The following DNAI1 variants were observed in gnomAD, a reference collection of about 807,000 sequenced individuals.
DNAI1 encodes the protein dynein axonemal intermediate chain 1, also known as dynein, axonemal, intermediate polypeptide 1.
In DNAI1, 67 loss-of-function variants were observed where a neutral mutation model predicts 92.0. The ratio of observed to expected loss-of-function variants is 0.73; its 90% CI spans 0.60 to 0.89. The LOEUF (loss-of-function observed/expected upper bound fraction) is 0.89. Ranked by LOEUF, DNAI1 falls within the 40% of genes least tolerant of loss-of-function variation. DNAI1 has a pLI of 0.00. For missense variants in DNAI1, 839 were observed against 866.6 expected, an observed-to-expected ratio of 0.97 and a Z score of 0.40; for synonymous variants, 323 against 319.6, an observed-to-expected ratio of 1.01 and a Z score of -0.11.
chr9:34,477,924 CTTTTTTTT>C (rs74180566), intron 1 of DNAI1, among the ~76,000 whole-genome samples: 1 of 49,008 alleles, frequency 2.0e-5, no homozygotes, highest in Non-Finnish European at 4.0e-5. Flanking sequence ...CTCTCTCTCT[CTTTTTTTT>C]TTTTTTTTTT....
intron 1 of DNAI1, among the ~76,000 whole-genome samples, chr9:34,480,313 G>A (rs1189606908): frequency 7.7e-6 from 1 of 129,390 alleles, no homozygotes; most frequent in African/African-American, 3.0e-5. Context: ...GAGTCTCGCT[G>A]TGTCACCCAG....
At chr9:34,480,272 CTTTTTT>C (rs202115133) in intron 1 of DNAI1, among the ~76,000 whole-genome samples, 2 of 99,440 alleles carry the variant, frequency 2.0e-5, no homozygotes, top group Non-Finnish European at 4.0e-5. Flanking sequence ...TTTGGTGGAA[CTTTTTT>C]TTTTTTTTTT....
At chr9:34,492,296 G>A (rs1824618002) in intron 8 of DNAI1, among the ~76,000 whole-genome samples, 1 of 151,588 alleles carries the variant, frequency 6.6e-6, no homozygotes, top group Non-Finnish European at 1.5e-5. Flanking sequence ...TGTGATGAGG[G>A]GCATTTGCCC....
chr9:34,503,665 C>T (rs1394762837), intron 12 of DNAI1, among the ~76,000 whole-genome samples: 1 of 152,106 alleles, frequency 6.6e-6, no homozygotes, highest in Non-Finnish European at 1.5e-5. Flanking sequence ...TTGGAGCCAG[C>T]CAGGAACAAG....
chr9:34,514,436 G>A lies in DNAI1; in HGVS notation c.1612G>A (p.Ala538Thr), dbSNP rs368248592. 147 of 1,613,946 alleles carry A rather than the reference G, an allele frequency of 9.1e-5. No individual in the cohort carries two copies. Among genetic ancestry groups the A allele is most frequent in the Non-Finnish European group, 1.1e-4 (133 of 1,180,030 alleles). ...CAGCCAATTCCTCGACACCTATGAC[G>A]CCCACAACATGTCAGTGGACACTGT... The part of the protein sequence containing the change: ...YSSQFLDTYD[A>T]HNMSVDTVSW... Residue 538 changes from alanine to threonine, a missense_variant, in exon 17 of 20, where the codon GCC becomes ACC. Physicochemically the swap from Ala to Thr is moderately conservative, Grantham distance 58. Transcript: ENST00000242317.
chr9:34,481,102 G>A (rs998866158), intron 1 of DNAI1, among the ~76,000 whole-genome samples: 1 of 152,186 alleles, frequency 6.6e-6, no homozygotes, highest in Middle Eastern at 3.2e-3. Context: ...TTAGCCGGGC[G>A]TGGTGGCAGA....
chr9:34,513,675 A>G (rs1051085552), intron 16 of DNAI1, among the ~76,000 whole-genome samples: 1 of 152,184 alleles, frequency 6.6e-6, no homozygotes, highest in African/African-American at 2.4e-5. Flanking sequence ...GCTCTGCTGC[A>G]AGCTTTTCTT....
At chr9:34,476,482 G>A (rs942323664) in intron 1 of DNAI1, among the ~76,000 whole-genome samples, 3 of 152,204 alleles carry the variant, frequency 2.0e-5, no homozygotes, top group Non-Finnish European at 4.4e-5. Context: ...ACAGTCCTTA[G>A]GGCTGGGCCA....
At chr9:34,492,812 T>G (rs947473624) in intron 8 of DNAI1, among the ~76,000 whole-genome samples, 2 of 151,642 alleles carry the variant, frequency 1.3e-5, no homozygotes, top group Admixed American at 6.6e-5. Flanking sequence ...TAAGCCACTG[T>G]GCCTGGCCTA....
At chr9:34,477,062 T>C (rs1024651878) in intron 1 of DNAI1, among the ~76,000 whole-genome samples, 1 of 152,096 alleles carries the variant, frequency 6.6e-6, no homozygotes, top group African/African-American at 2.4e-5. Context: ...TTTGCCCAGA[T>C]TGGAGTGTAG....
chr9:34,458,924 A>G lies in DNAI1; in HGVS notation c.-82A>G, dbSNP rs1823879223. 1 of 1,289,802 alleles carries G rather than the reference A, an allele frequency of 7.8e-7. No individual in the cohort carries two copies. The highest frequency in any genetic ancestry group is 2.3e-5 in the East Asian group (1 of 43,352). 79.9% of individuals were successfully genotyped at this position (1,289,802 alleles called of 1,614,324 possible). ...GTAACTGAAGTGGAAGAGAGTCCAGATTTCTTGTGTGTGGTCAAGGAGACG... is the reference window on the plus strand; with the variant it reads ...GTAACTGAAGTGGAAGAGAGTCCAGGTTTCTTGTGTGTGGTCAAGGAGACG... On this transcript the variant is annotated 5_prime_UTR_variant, in exon 1 of 20. Coordinates refer to ENST00000242317, the MANE Select transcript of DNAI1 (RefSeq NM_012144.4). The surrounding 1 kb of genome is among the most constrained non-coding windows in gnomAD (Gnocchi z 6.6).
chr9:34,495,126 C>G (rs529702894), intron 9 of DNAI1, among the ~76,000 whole-genome samples: 123 of 152,214 alleles, frequency 8.1e-4, no homozygotes, highest in Non-Finnish European at 1.3e-3. Flanking sequence ...GCACAGAAAT[C>G]AATGCACATT....
At chr9:34,517,255 C>G (rs972846178) in intron 18 of DNAI1, 30 bp from the exon 19 acceptor site, 1 of 1,609,236 alleles carries the variant, frequency 6.2e-7, no homozygotes, top group Admixed American at 1.7e-5. Context: ...CTCATTACCC[C>G]TGAGTGTGCT....
Position 34,464,295 on chromosome 9 carries a change from G to A in DNAI1, c.48+5242G>A, listed in dbSNP as rs1031525087. Among the ~76,000 whole-genome samples the A allele has an allele frequency of 5.3e-5, 8 of 152,114 alleles. 1 individual carries two copies. The highest frequency in any genetic ancestry group is 4.6e-4 in the Admixed American group (7 of 15,264). On this transcript the variant is annotated intron_variant, in intron 1 of 19. Coordinates refer to ENST00000242317, the MANE Select transcript of DNAI1 (RefSeq NM_012144.4). ...CAGAACACTTCAGTGACTTCCCATT[G>A]CTCTTAGGATAGGGACCAGATTTTT...
chr9:34,514,674 G>A lies in DNAI1; in HGVS notation c.1753G>A (p.Val585Met), dbSNP rs765035797. 7.4e-6 allele frequency: 12 copies of A among 1,614,062 alleles called. No individual in the cohort carries two copies. Among genetic ancestry groups the A allele is most frequent in the East Asian group, 2.2e-5 (1 of 44,900 alleles). ...PMFIYDLNSA[V>M]GDVAWAPYSS... Reference sequence around the variant, plus strand: ...GTTCATCTATGACCTGAACTCAGCCGTGGGTGATGTGGCCTGGGCGCCATA... The same window carrying A: ...GTTCATCTATGACCTGAACTCAGCCATGGGTGATGTGGCCTGGGCGCCATA... The change falls in exon 18 of 20, where the codon GTG becomes ATG. Residue 585 changes from valine (V) to methionine (M), a missense_variant. Physicochemically the swap from Val to Met is conservative, Grantham distance 21 (BLOSUM62 1). Coordinates refer to ENST00000242317, the MANE Select transcript of DNAI1 (RefSeq NM_012144.4).
intron 1 of DNAI1, among the ~76,000 whole-genome samples, chr9:34,465,668 G>T (rs1195635182): frequency 6.6e-6 from 1 of 152,188 alleles, no homozygotes; most frequent in Non-Finnish European, 1.5e-5. Context: ...CTCAGTACAT[G>T]CCAGGTACTC....
Position 34,514,627 on chromosome 9 carries a change from T to C in DNAI1, c.1719-13T>C. 1 of 1,614,176 alleles carries C rather than the reference T, an allele frequency of 6.2e-7. No homozygotes were observed. On this transcript the variant is annotated splice_polypyrimidine_tract_variant and intron_variant, in intron 17 of 19. Transcript: ENST00000242317. Reference sequence around the variant, plus strand: ...CCTCTGTGCCATGGGCTTTCCACCCTCCACCTCTGCAGGACCCCGATGTTC... The same window carrying C: ...CCTCTGTGCCATGGGCTTTCCACCCCCCACCTCTGCAGGACCCCGATGTTC...
intron 8 of DNAI1, among the ~76,000 whole-genome samples, chr9:34,492,493 GATATATATATATATATATAT>G (rs752863173): frequency 0.013 from 900 of 68,262 alleles, 45 homozygotes; most frequent in African/African-American, 0.04. Context: ...GGGATATGAA[GATATATATATATATATATAT>G]ATATATATAT....
chr9:34,466,278 C>A (rs1240943229), intron 1 of DNAI1, among the ~76,000 whole-genome samples: 1 of 152,154 alleles, frequency 6.6e-6, no homozygotes, highest in Non-Finnish European at 1.5e-5. Context: ...GGGACCCTAC[C>A]CCTAATGTTA....
Sources: gnomAD v4.1 joint callset for allele counts (sites outside exome capture counted in the v4.1 genomes callset) on GRCh38, gnomAD v4.1.1 for gene constraint, Gnocchi (gnomAD v3.1) non-coding constraint, MANE v1.5 for transcripts, NCBI Gene and HGNC (gene_info 2026-07-23, HGNC 2026-07-21) for gene names.